Variants in VASH2 observed in about 807,000 individuals in gnomAD.
VASH2 encodes the protein tubulinyl-Tyr carboxypeptidase 2.
In VASH2, 28 loss-of-function variants were observed where a neutral mutation model predicts 37.2. The observed-to-expected ratio is 0.75, with a 90% CI of 0.56 to 1.03. The LOEUF (loss-of-function observed/expected upper bound fraction) is 1.03, where lower values mean the gene tolerates loss of function less well. Among genes scored for constraint, VASH2 ranks in the 50% least tolerant of loss-of-function variants. The pLI is 0.00. For synonymous variants in VASH2, 188 were observed against 174.7 expected (o/e 1.08, Z -0.60); for missense variants, 419 against 459.1 (o/e 0.91, Z 0.80).
chr1:212,962,535 A>G (rs1400484259), intron 3 of VASH2, among the ~76,000 whole-genome samples: 2 of 152,122 alleles, frequency 1.3e-5, no homozygotes, highest in African/African-American at 4.8e-5. Flanking sequence ...TATGGCAAAA[A>G]TCTTTCTGGT....
intron 4 of VASH2, 118 bp downstream of exon 4, chr1:212,965,896 T>TGGAGGC: frequency 9.2e-7 from 1 of 1,092,586 alleles, no homozygotes; most frequent in Non-Finnish European, 1.3e-6. Flanking sequence ...CTGTAAGGGG[T>TGGAGGC]GGAGGCGGAG....
chr1:212,975,678 A>G (rs377010544), intron 7 of VASH2, among the ~76,000 whole-genome samples: 305 of 152,368 alleles, frequency 2.0e-3, no homozygotes, highest in Non-Finnish European at 3.9e-3. Context: ...GTCATTTAGC[A>G]TAGAGTGAGT....
chr1:212,960,860 C>T (rs1042984578), intron 2 of VASH2, among the ~76,000 whole-genome samples: 1 of 152,220 alleles, frequency 6.6e-6, no homozygotes, highest in Non-Finnish European at 1.5e-5. Context: ...TAGTCCTTCG[C>T]ATCAAGGAGG....
At chr1:212,980,269 T>C (rs1036806768) in intron 7 of VASH2, among the ~76,000 whole-genome samples, 1 of 152,100 alleles carries the variant, frequency 6.6e-6, no homozygotes, top group Non-Finnish European at 1.5e-5. Context: ...CAGATAGTGA[T>C]TTTCTGGTTT....
rs2075840847 is a variant in VASH2 at position 212,989,913 on chromosome 1, C to T, written c.*1329C>T. ...GGTGTAAATATCAAGAGTACAGCTTCAATTTCATTTGCTTTATCTTAGCAA... is the reference window on the plus strand; with the variant it reads ...GGTGTAAATATCAAGAGTACAGCTTTAATTTCATTTGCTTTATCTTAGCAA... On this transcript the variant is annotated 3_prime_UTR_variant, in exon 8 of 8. Coordinates refer to ENST00000517399, the MANE Select transcript of VASH2 (RefSeq NM_001301056.2). 1 of 152,116 alleles carries T rather than the reference C, an allele frequency of 6.6e-6. No individual in the cohort carries two copies. Among genetic ancestry groups the T allele is most frequent in the Admixed American group, 6.6e-5 (1 of 15,254 alleles). The allele number at this position is 152,116 out of a possible 1,614,324, so 9.4% of individuals were successfully genotyped here.
chr1:212,951,485 C>CGCCGCCGCT lies in VASH2; in HGVS notation c.-49_-41dup, dbSNP rs1183701428. ...CCCGCGCGCACACGCCCCCCGCCGC[C>CGCCGCCGCT]GCCGCCGCTGCCGCCGCCGCGCGCC... On this transcript the variant is annotated 5_prime_UTR_variant, in exon 2 of 8. Coordinates refer to ENST00000517399, the MANE Select transcript of VASH2 (RefSeq NM_001301056.2). The surrounding 1 kb of genome is among the most constrained non-coding windows in gnomAD (Gnocchi z 4.4). 8 of 1,152,574 alleles carry CGCCGCCGCT rather than the reference C, an allele frequency of 6.9e-6. No individual in the cohort carries two copies. In the African/African-American group the frequency reaches 1.1e-4, roughly 16 times the overall value. 71.4% of individuals were successfully genotyped at this position (1,152,574 alleles called of 1,614,324 possible).
rs146435863 is a variant in VASH2 at position 212,981,239 on chromosome 1, C to T, written c.995+7169C>T. The stretch of plus-strand genomic sequence containing the variant: ...CTGAAAAATCTCTTCTGGGCCGAAT[C>T]CGTCTTGGCTGAGGCCTCTGTTTAC... On this transcript the variant is annotated intron_variant, in intron 7 of 7. Transcript: ENST00000517399. Among the ~76,000 whole-genome samples the T allele has an allele frequency of 2.2e-3, 339 of 152,364 alleles. 1 individual carries two copies. The highest frequency in any genetic ancestry group is 4.0e-3 in the Non-Finnish European group (272 of 68,036).
At chr1:212,954,443 T>C (rs1333687792) in intron 2 of VASH2, among the ~76,000 whole-genome samples, 1 of 151,848 alleles carries the variant, frequency 6.6e-6, no homozygotes, top group Non-Finnish European at 1.5e-5. Flanking sequence ...TCTTTTGAGA[T>C]GGAGTCTTGC....
At chr1:212,956,314 A>C in intron 2 of VASH2, among the ~76,000 whole-genome samples, 1 of 151,134 alleles carries the variant, frequency 6.6e-6, no homozygotes, top group Non-Finnish European at 1.5e-5. Context: ...TGTCCACTCC[A>C]CTCCCTCCTC....
At chr1:212,975,356 G>T (rs1225631686) in intron 7 of VASH2, among the ~76,000 whole-genome samples, 1 of 152,236 alleles carries the variant, frequency 6.6e-6, no homozygotes, top group East Asian at 1.9e-4. Flanking sequence ...GTCGTTCTGG[G>T]TTGGGAAGGA....
At chr1:212,987,556 A>G (rs1002429708) in intron 7 of VASH2, among the ~76,000 whole-genome samples, 1 of 152,242 alleles carries the variant, frequency 6.6e-6, no homozygotes, top group Non-Finnish European at 1.5e-5. Flanking sequence ...CCTGGGCAAC[A>G]AGGGCGAAAC....
At position 212,990,409 on chromosome 1, in the gene VASH2, T is replaced by C. The variant is rs2075846855; in HGVS notation, c.*1825T>C. The C allele has an allele frequency of 1.3e-5, 2 of 152,226 alleles. No homozygotes were observed. The highest frequency in any genetic ancestry group is 6.5e-5 in the Admixed American group (1 of 15,274). The allele number at this position is 152,226 out of a possible 1,614,324, so 9.4% of individuals were successfully genotyped here. A position where few individuals can be genotyped will look rare whatever the true frequency, so the allele number is the denominator to read the frequency against. On this transcript the variant is annotated 3_prime_UTR_variant, in exon 8 of 8. Transcript: ENST00000517399. ...CTCTTGGCCACATGTATTCAGATGT[T>C]TGAAATAGTGAATCATTTCATTTTC...
intron 2 of VASH2, among the ~76,000 whole-genome samples, chr1:212,957,814 G>A (rs1572058619): frequency 6.6e-6 from 1 of 152,018 alleles, no homozygotes; most frequent in East Asian, 1.9e-4. Context: ...TGGCCAGGCT[G>A]GTCTCAAACT....
rs1391694462 is a variant in VASH2, at chr1:212,971,845, C to T, written c.498-735C>T. ...CAGTGCACATCCACAATCTAAGGTTCGTTCTTTCTGTAAGCATTAAACAAG... is the reference window on the plus strand; with the variant it reads ...CAGTGCACATCCACAATCTAAGGTTTGTTCTTTCTGTAAGCATTAAACAAG... On this transcript the variant is annotated intron_variant, in intron 5 of 7. Transcript: ENST00000517399. The surrounding 1 kb of genome is among the most constrained non-coding windows in gnomAD (Gnocchi z 4.0). 6.6e-6 allele frequency among the ~76,000 whole-genome samples: 1 copy of T among 151,978 alleles called. No individual in the cohort carries two copies. Among genetic ancestry groups the T allele is most frequent in the African/African-American group, 2.4e-5 (1 of 41,348 alleles).
At chr1:212,954,895 C>T (rs1666435955) in intron 2 of VASH2, among the ~76,000 whole-genome samples, 1 of 152,210 alleles carries the variant, frequency 6.6e-6, no homozygotes, top group South Asian at 2.1e-4. Context: ...ATGGTTGGTT[C>T]TCTATCCCCA....
At chr1:212,972,101 C>T (rs1048403167) in intron 5 of VASH2, among the ~76,000 whole-genome samples, 4 of 152,188 alleles carry the variant, frequency 2.6e-5, no homozygotes, top group Admixed American at 2.6e-4. Flanking sequence ...TTCATTGCCA[C>T]CTCCTTCTGC....
chr1:212,951,936 T>C lies in VASH2; in HGVS notation c.276+118T>C. ...CCATTTTCCTAGTCCTGCTACAAAC[T>C]CCCTTCCTCTCCCCATTCCTTCCTG... On this transcript the variant is annotated intron_variant, in intron 2 of 7. Coordinates refer to ENST00000517399, the MANE Select transcript of VASH2 (RefSeq NM_001301056.2). This position sits in a 1 kb window ranked among gnomAD's most constrained non-coding sequence, Gnocchi z 4.4. The C allele has an allele frequency of 8.5e-7, 1 of 1,178,536 alleles. No homozygotes were observed. The highest frequency in any genetic ancestry group is 1.2e-6 in the Non-Finnish European group (1 of 855,712). 73.0% of individuals were successfully genotyped at this position (1,178,536 alleles called of 1,614,324 possible).
At chr1:212,973,418 C>A (rs896485792) in intron 6 of VASH2, 1 of 1,291,500 alleles carries the variant, frequency 7.7e-7, no homozygotes, top group African/African-American at 1.5e-5. Flanking sequence ...GTCCATGTCC[C>A]TCCAGGGCTT....
chr1:212,979,978 C>T (rs1286822242), intron 7 of VASH2, among the ~76,000 whole-genome samples: 1 of 152,188 alleles, frequency 6.6e-6, no homozygotes, highest in African/African-American at 2.4e-5. Flanking sequence ...TCAACTGGGT[C>T]AGCTCTGGGA....
Sources: gnomAD v4.1 joint callset for allele counts (sites outside exome capture counted in the v4.1 genomes callset) on GRCh38, gnomAD v4.1.1 for gene constraint, Gnocchi (gnomAD v3.1) non-coding constraint, MANE v1.5 for transcripts, NCBI Gene and HGNC (gene_info 2026-07-23, HGNC 2026-07-21) for gene names.